The following CDK13 variants were observed in gnomAD, a reference collection of about 807,000 sequenced individuals.
The protein encoded by CDK13 is cyclin-dependent kinase 13.
In CDK13, 40 loss-of-function variants were observed where a neutral mutation model predicts 137.6. That is an observed-to-expected ratio of 0.29 (90% confidence interval 0.23 to 0.38). The LOEUF (loss-of-function observed/expected upper bound fraction) is 0.38, where lower values mean the gene tolerates loss of function less well. CDK13 is among the 10% of genes least tolerant of loss of function. CDK13 has a pLI of 1.00. For missense variants in CDK13, 1,704 were observed against 1,951.8 expected (o/e 0.87, Z 2.39); for synonymous variants, 869 against 760.1 (o/e 1.14, Z -2.36).
intron 9 of CDK13, among the ~76,000 whole-genome samples, chr7:40,074,672 C>T (rs2150534105): frequency 6.6e-6 from 1 of 151,534 alleles, no homozygotes; most frequent in South Asian, 2.1e-4. Flanking sequence ...GCTTGGGTCT[C>T]AAATTAGATG....
chr7:40,062,742 G>A (rs1216291216), intron 7 of CDK13, 84 bp from the exon 8 acceptor site: 4 of 967,536 alleles, frequency 4.1e-6, no homozygotes, highest in South Asian at 1.4e-5. Flanking sequence ...TATAGGGATT[G>A]CTTTAGTAAA....
rs1205646407 is a variant in CDK13, at chr7:39,950,752, G to C, written c.111G>C (p.Pro37=). The change falls in exon 1 of 14, where the codon CCG becomes CCC. Residue 37 remains proline (P), a synonymous_variant. Coordinates refer to ENST00000181839, the MANE Select transcript of CDK13 (RefSeq NM_003718.5). ...GGCGATTCCTGTCCCCTCAGCAGCC[G>C]CCGCTGCTGTTGCCGCTCCTGCAGC... is the stretch of plus-strand genomic sequence containing the variant. ...KRRRFLSPQQ[P]PLLLPLLQPQ... The C allele has an allele frequency of 2.0e-6, 3 of 1,475,446 alleles. No individual in the cohort carries two copies. The Admixed American group carries it at 7.3e-5, about 36-fold the overall frequency. The allele number at this position is 1,475,446 out of a possible 1,614,324, so 91.4% of individuals were successfully genotyped here.
chr7:40,035,270 C>T (rs942838727), intron 5 of CDK13, among the ~76,000 whole-genome samples: 13 of 152,102 alleles, frequency 8.5e-5, no homozygotes, highest in Admixed American at 6.6e-4. Context: ...ATGACCTACT[C>T]AATTGATTGC....
In CDK13 at chr7:39,992,192, G is replaced by GTGTA. The variant is rs1191988504; in HGVS notation, c.1871+3937_1871+3938insATGT. Among the ~76,000 whole-genome samples, 55 of 128,938 alleles carry GTGTA rather than the reference G, an allele frequency of 4.3e-4. 1 individual carries two copies. Among genetic ancestry groups the GTGTA allele is most frequent in the African/African-American group, 1.4e-3 (53 of 38,598 alleles). The allele number at this position is 128,938 out of a possible 152,430, so 84.6% of individuals were successfully genotyped here. A position where few individuals can be genotyped will look rare whatever the true frequency, so the allele number is the denominator to read the frequency against. ...TGTGTGTGTGTGTGTGTGTGTGTGT[G>GTGTA]TGTGTGTGTATACACTTCTCCCCGA... On this transcript the variant is annotated intron_variant, in intron 2 of 13. Transcript: ENST00000181839.
At chr7:39,953,582 G>C (rs1336210629) in intron 1 of CDK13, among the ~76,000 whole-genome samples, 1 of 152,010 alleles carries the variant, frequency 6.6e-6, no homozygotes, top group African/African-American at 2.4e-5. Flanking sequence ...TTCATATTTA[G>C]CAAGTATTTT....
At chr7:40,005,206 T>C (rs1784772675) in intron 5 of CDK13, among the ~76,000 whole-genome samples, 1 of 151,174 alleles carries the variant, frequency 6.6e-6, no homozygotes, top group South Asian at 2.1e-4. Flanking sequence ...ATCATAAATA[T>C]ATTTTTTTAA....
chr7:40,020,288 C>A (rs1382702086), intron 5 of CDK13, among the ~76,000 whole-genome samples: 2 of 152,030 alleles, frequency 1.3e-5, no homozygotes, highest in Non-Finnish European at 2.9e-5. Context: ...AACTGGTCTC[C>A]AACTCCTAGG....
At chr7:40,005,633 A>C (rs938241278) in intron 5 of CDK13, among the ~76,000 whole-genome samples, 3 of 152,118 alleles carry the variant, frequency 2.0e-5, no homozygotes, top group Non-Finnish European at 4.4e-5. Flanking sequence ...AAAAGGAATT[A>C]TTCTTAAGAA....
At chr7:40,057,918 T>C (rs949081732) in intron 7 of CDK13, among the ~76,000 whole-genome samples, 1 of 152,224 alleles carries the variant, frequency 6.6e-6, no homozygotes, top group African/African-American at 2.4e-5. Context: ...TTTATTGTTA[T>C]GTAGTTATGT....
chr7:40,077,728 T>A (rs1406084224), intron 9 of CDK13, among the ~76,000 whole-genome samples: 1 of 152,030 alleles, frequency 6.6e-6, no homozygotes, highest in Non-Finnish European at 1.5e-5. Flanking sequence ...TGGTGGCGCA[T>A]GCCTATAATC....
intron 5 of CDK13, among the ~76,000 whole-genome samples, chr7:40,003,206 A>ACACACACACACACTCTCTCT (rs374470130): frequency 3.8e-5 from 3 of 79,864 alleles, no homozygotes; most frequent in African/African-American, 1.4e-4. Flanking sequence ...ACACACACAC[A>ACACACACACACACTCTCTCT]CTCTCTCTCT....
intron 1 of CDK13, among the ~76,000 whole-genome samples, chr7:39,976,278 G>C (rs535200638): frequency 5.6e-4 from 48 of 86,120 alleles, no homozygotes; most frequent in African/African-American, 1.5e-3. Context: ...GGGCAACAGA[G>C]CGAGATTCCG....
chr7:40,042,160 A>G (rs1372383654), intron 5 of CDK13, among the ~76,000 whole-genome samples: 1 of 141,014 alleles, frequency 7.1e-6, no homozygotes, highest in African/African-American at 2.6e-5. Context: ...GCTCACTGCA[A>G]CCTCCGCCTC....
Position 40,078,804 on chromosome 7 carries a change from G to A in CDK13, c.2982G>A (p.Gln994=). 1 of 1,524,070 alleles carries A rather than the reference G, an allele frequency of 6.6e-7. No individual in the cohort carries two copies. Among genetic ancestry groups the A allele is most frequent in the Non-Finnish European group, 8.8e-7 (1 of 1,130,916 alleles). 94.4% of individuals were successfully genotyped at this position (1,524,070 alleles called of 1,614,324 possible). ...GCTGCACTGCTGAACAGGCTCTTCA[G>A]TGCGAGTTCCTCCGAGATGTGGAAC... ...SKRCTAEQAL[Q]CEFLRDVEPS... Residue 994 remains glutamine (Q), a synonymous_variant, in exon 11 of 14, where the codon CAG becomes CAA. Transcript: ENST00000181839.
chr7:40,043,421 G>A (rs1785658719), intron 5 of CDK13, among the ~76,000 whole-genome samples: 1 of 152,154 alleles, frequency 6.6e-6, no homozygotes, highest in African/African-American at 2.4e-5. Context: ...ACTCTGGTTT[G>A]TTTTCTTCAA....
intron 2 of CDK13, among the ~76,000 whole-genome samples, chr7:39,989,633 A>G (rs1784416248): frequency 6.6e-6 from 1 of 152,088 alleles, no homozygotes; most frequent in Admixed American, 6.6e-5. Flanking sequence ...TTGTATTTGC[A>G]GGTTTGACTG....
At position 40,097,990 on chromosome 7, in the gene CDK13, G is replaced by A. The variant is rs1787080193; in HGVS notation, c.*3010G>A. 1 of 152,082 alleles carries A rather than the reference G, an allele frequency of 6.6e-6. No homozygotes were observed. Among genetic ancestry groups the A allele is most frequent in the African/African-American group, 2.4e-5 (1 of 41,442 alleles). 9.4% of individuals were successfully genotyped at this position (152,082 alleles called of 1,614,324 possible). A position where few individuals can be genotyped will look rare whatever the true frequency, so the allele number is the denominator to read the frequency against. Reference sequence around the variant, plus strand: ...ATCATACTTTCAGTGTGCTGACAGTGAGCAAGATTTTTTTAAATGTCTGGA... The same window carrying A: ...ATCATACTTTCAGTGTGCTGACAGTAAGCAAGATTTTTTTAAATGTCTGGA... On this transcript the variant is annotated 3_prime_UTR_variant, in exon 14 of 14. Coordinates refer to ENST00000181839, the MANE Select transcript of CDK13 (RefSeq NM_003718.5).
At chr7:40,054,467 G>A (rs1373952046) in intron 7 of CDK13, among the ~76,000 whole-genome samples, 1 of 150,504 alleles carries the variant, frequency 6.6e-6, no homozygotes, top group Non-Finnish European at 1.5e-5. Flanking sequence ...TTTCGCTCTT[G>A]TCTCCCAAGC....
intron 1 of CDK13, chr7:39,952,520 A>T (rs1787262923): frequency 6.6e-6 from 1 of 152,234 alleles, no homozygotes; most frequent in Non-Finnish European, 1.5e-5. Flanking sequence ...TAATTATAGA[A>T]GGTAGAAAAA....
Sources: gnomAD v4.1 joint callset for allele counts (sites outside exome capture counted in the v4.1 genomes callset) on GRCh38, gnomAD v4.1.1 for gene constraint, MANE v1.5 for transcripts, NCBI Gene and HGNC (gene_info 2026-07-23, HGNC 2026-07-21) for gene names.